Variants in CHSY3 observed in about 807,000 individuals in gnomAD.
CHSY3 encodes the protein N-acetylgalactosaminyl-proteoglycan 3-beta-glucuronosyltransferase 3.
Under a neutral mutation model 67.2 loss-of-function variants are expected in CHSY3, and 35 were observed. The ratio of observed to expected loss-of-function variants is 0.52; its 90% confidence interval spans 0.40 to 0.69. The LOEUF is 0.69. Among genes scored for constraint, CHSY3 ranks in the 30% least tolerant of loss-of-function variants. CHSY3 has a pLI of 0.00. For synonymous variants in CHSY3, 474 were observed against 434.7 expected, an observed-to-expected ratio of 1.09 and a Z score of -1.12; for missense variants, 1,069 against 1,138.5, an observed-to-expected ratio of 0.94 and a Z score of 0.88.
rs544917062 is a variant in CHSY3, at chr5:130,123,897, A to T, written c.1087-60332A>T. ...TCGGTGAAACCCCATCTCTACTAAAAATACAAAAAAAATTAGCCGGGTGTG... is the reference window on the plus strand; with the variant it reads ...TCGGTGAAACCCCATCTCTACTAAATATACAAAAAAAATTAGCCGGGTGTG... On this transcript the variant is annotated intron_variant, in intron 2 of 2. Transcript: ENST00000305031. Among the ~76,000 whole-genome samples the T allele has an allele frequency of 4.6e-5, 7 of 151,952 alleles. No individual in the cohort carries two copies. The South Asian group carries it at 1.5e-3, about 32-fold the overall frequency.
intron 2 of CHSY3, among the ~76,000 whole-genome samples, chr5:130,132,558 T>C (rs1018553969): frequency 2.0e-5 from 3 of 152,194 alleles, no homozygotes; most frequent in Non-Finnish European, 1.5e-5. Context: ...TCAGTTGATA[T>C]AAGTAGTTAG....
chr5:129,950,256 A>G (rs1466847785), intron 2 of CHSY3, among the ~76,000 whole-genome samples: 1 of 152,148 alleles, frequency 6.6e-6, no homozygotes, highest in African/African-American at 2.4e-5. Flanking sequence ...TTTTAAACAT[A>G]TTAGGTGTAA....
intron 2 of CHSY3, among the ~76,000 whole-genome samples, chr5:129,936,804 C>G (rs1430884298): frequency 6.6e-6 from 1 of 152,126 alleles, no homozygotes; most frequent in African/African-American, 2.4e-5. Context: ...AACTACCATT[C>G]CCATTCATGT....
At chr5:129,970,660 T>C (rs544724799) in intron 2 of CHSY3, among the ~76,000 whole-genome samples, 156 of 152,016 alleles carry the variant, frequency 1.0e-3, no homozygotes, top group African/African-American at 3.4e-3. Flanking sequence ...CTTACACTGT[T>C]GTGTTTAATT....
chr5:129,918,456 T>G (rs1453162819), intron 2 of CHSY3, among the ~76,000 whole-genome samples: 1 of 152,200 alleles, frequency 6.6e-6, no homozygotes, highest in Non-Finnish European at 1.5e-5. Context: ...TGGGTAATTT[T>G]GATTCTATGC....
chr5:130,139,844 C>T (rs888347292), intron 2 of CHSY3, among the ~76,000 whole-genome samples: 26 of 152,130 alleles, frequency 1.7e-4, no homozygotes, highest in African/African-American at 6.0e-4. Context: ...TAGCTTACCT[C>T]GAATAATAGA....
At chr5:129,940,281 G>T (rs1445082794) in intron 2 of CHSY3, among the ~76,000 whole-genome samples, 1 of 152,014 alleles carries the variant, frequency 6.6e-6, no homozygotes, top group Non-Finnish European at 1.5e-5. Flanking sequence ...CTACCTATAT[G>T]AGTTGAAATT....
intron 2 of CHSY3, among the ~76,000 whole-genome samples, chr5:130,126,183 G>A (rs1389403904): frequency 2.0e-5 from 3 of 151,892 alleles, no homozygotes; most frequent in African/African-American, 4.8e-5. Context: ...ACACATGGTC[G>A]GTACTTGATA....
chr5:129,983,610 A>G (rs996694731), intron 2 of CHSY3, among the ~76,000 whole-genome samples: 1 of 152,004 alleles, frequency 6.6e-6, no homozygotes, highest in African/African-American at 2.4e-5. Flanking sequence ...ACACATATTT[A>G]TGGAGCACCA....
At position 129,930,514 on chromosome 5, in the gene CHSY3, G is replaced by A. The variant is rs915247214; in HGVS notation, c.1086+22154G>A. 1.7e-4 allele frequency among the ~76,000 whole-genome samples: 25 copies of A among 144,738 alleles called. 1 individual carries two copies. The highest frequency in any genetic ancestry group is 4.7e-4 in the African/African-American group (18 of 38,148). The allele number at this position is 144,738 out of a possible 152,430, so 95.0% of individuals were successfully genotyped here. ...TAAAAGGAGGCATCACTGGCGGGGG[G>A]GGGGTATGAAGTTTTGCCTGGAGGA... On this transcript the variant is annotated intron_variant, in intron 2 of 2. Transcript: ENST00000305031.
chr5:130,117,630 T>G (rs891456055), intron 2 of CHSY3, among the ~76,000 whole-genome samples: 1 of 152,188 alleles, frequency 6.6e-6, no homozygotes, highest in African/African-American at 2.4e-5. Context: ...ATATTTTCAG[T>G]GTGACTACAA....
intron 2 of CHSY3, among the ~76,000 whole-genome samples, chr5:130,181,952 A>C (rs868373529): frequency 6.6e-6 from 1 of 151,968 alleles, no homozygotes; most frequent in Non-Finnish European, 1.5e-5. Context: ...AGTATGAATA[A>C]TGCAGCTACG....
At chr5:130,151,010 A>C (rs1425209698) in intron 2 of CHSY3, among the ~76,000 whole-genome samples, 2 of 152,206 alleles carry the variant, frequency 1.3e-5, no homozygotes, top group Non-Finnish European at 2.9e-5. Flanking sequence ...GTTTCAAAGC[A>C]TGACAACTAA....
At chr5:130,012,319 A>G (rs1372259756) in intron 2 of CHSY3, among the ~76,000 whole-genome samples, 4 of 152,228 alleles carry the variant, frequency 2.6e-5, no homozygotes, top group Admixed American at 6.5e-5. Flanking sequence ...GATCTTATAC[A>G]AAGCCAACAA....
At chr5:130,090,068 G>T (rs947036711) in intron 2 of CHSY3, among the ~76,000 whole-genome samples, 9 of 152,116 alleles carry the variant, frequency 5.9e-5, no homozygotes, top group African/African-American at 2.2e-4. Context: ...CCCGCGGCTT[G>T]CCTTCACTCC....
At chr5:130,075,498 C>A (rs1766220120) in intron 2 of CHSY3, among the ~76,000 whole-genome samples, 1 of 152,006 alleles carries the variant, frequency 6.6e-6, no homozygotes, top group Admixed American at 6.6e-5. Context: ...TAACTTTTTT[C>A]CTTTCCCATT....
intron 2 of CHSY3, chr5:130,141,810 G>T: frequency 2.6e-6 from 1 of 388,360 alleles, no homozygotes; most frequent in South Asian, 2.1e-5. Flanking sequence ...ATCAAAATCT[G>T]GAGAAAGTCT....
chr5:129,913,358 G>A (rs1335225602), intron 2 of CHSY3, among the ~76,000 whole-genome samples: 1 of 152,186 alleles, frequency 6.6e-6, no homozygotes, highest in Non-Finnish European at 1.5e-5. Context: ...ATTTTCCAGT[G>A]AGACTGAGAG....
At chr5:130,014,681 A>G (rs989526408) in intron 2 of CHSY3, among the ~76,000 whole-genome samples, 1 of 152,212 alleles carries the variant, frequency 6.6e-6, no homozygotes, top group Non-Finnish European at 1.5e-5. Context: ...AAGCCAGACC[A>G]TATCAACCAT....
Sources: allele counts gnomAD v4.1 joint callset (sites outside exome capture counted in the v4.1 genomes callset), GRCh38; gene constraint gnomAD v4.1.1; transcripts MANE v1.5; gene names NCBI Gene and HGNC (gene_info 2026-07-23, HGNC 2026-07-21).